PRH1: variants seen among roughly 807,000 people sequenced by gnomAD.
The protein encoded by PRH1 is salivary acidic proline-rich phosphoprotein 1/2.
In PRH1, 7 loss-of-function variants were observed where a neutral mutation model predicts 7.9. The observed-to-expected ratio is 0.89, with a 90% confidence interval of 0.50 to 1.67. PRH1 has a LOEUF of 1.67. Among genes scored for constraint, PRH1 ranks in the 40% most tolerant of loss-of-function variants. The pLI, the probability that PRH1 is intolerant of heterozygous loss-of-function variation, is 0.00. For missense variants in PRH1, 109 were observed against 223.6 expected (o/e 0.49, Z 3.27); for synonymous variants, 45 against 80.8 (o/e 0.56, Z 2.38).
At chr12:11,072,449 G>A (rs1426988402) in intron 1 of PRH1, among the ~76,000 whole-genome samples, 5 of 152,224 alleles carry the variant, frequency 3.3e-5, no homozygotes, top group Admixed American at 6.5e-5. Context: ...CTGACCTGCA[G>A]AGTAAGGGAC....
intron 1 of PRH1, among the ~76,000 whole-genome samples, chr12:11,136,733 A>G (rs1946566502): frequency 1.3e-5 from 2 of 152,148 alleles, no homozygotes; most frequent in South Asian, 2.1e-4. Context: ...AATATTTTCA[A>G]TAAGTCTCTT....
At chr12:11,037,840 G>T (rs1942504189) in intron 1 of PRH1, among the ~76,000 whole-genome samples, 1 of 152,208 alleles carries the variant, frequency 6.6e-6, no homozygotes, top group African/African-American at 2.4e-5. Flanking sequence ...AAGAGTTCAA[G>T]CCCAGCCTGG....
intron 2 of PRH1, among the ~76,000 whole-genome samples, chr12:10,902,663 G>GTA (rs1949739468): frequency 6.6e-6 from 1 of 152,144 alleles, no homozygotes; most frequent in Non-Finnish European, 1.5e-5. Context: ...ATAAGGCCAA[G>GTA]TATATAGCTC....
chr12:11,121,015 A>G (rs550259611), exon 2 of PRH1: 3 of 154,430 alleles, frequency 1.9e-5, no homozygotes, highest in South Asian at 2.1e-4. Flanking sequence ...CATACCTCAT[A>G]TGAACAGATG....
chr12:11,125,241 T>C (rs1048684919), intron 1 of PRH1, among the ~76,000 whole-genome samples: 2 of 152,308 alleles, frequency 1.3e-5, no homozygotes, highest in African/African-American at 4.8e-5. Flanking sequence ...AATGATTTAC[T>C]TGCTATTTTT....
At chr12:10,894,714 T>C (rs542814219) in intron 2 of PRH1, among the ~76,000 whole-genome samples, 1 of 152,280 alleles carries the variant, frequency 6.6e-6, no homozygotes, top group South Asian at 2.1e-4. Flanking sequence ...GAAAAATGCA[T>C]TTTCAATATA....
intron 1 of PRH1, chr12:11,030,251 T>G: frequency 1.1e-6 from 1 of 880,594 alleles, no homozygotes; most frequent in Non-Finnish European, 1.5e-6. Context: ...ATATTTTTTT[T>G]TCTAGACTAA....
intron 1 of PRH1, among the ~76,000 whole-genome samples, chr12:11,105,844 C>G (rs1313860419): frequency 6.6e-6 from 1 of 152,052 alleles, no homozygotes; most frequent in African/African-American, 2.4e-5. Context: ...CAAACTTTTC[C>G]TACCAAAAGG....
intron 2 of PRH1, chr12:10,938,586 G>T (rs949339214): frequency 9.3e-6 from 15 of 1,613,964 alleles, no homozygotes; most frequent in Non-Finnish European, 1.2e-5. Context: ...TTCTTGCGAT[G>T]TTTCCACATG....
At chr12:10,903,335 C>G (rs1162051061) in intron 2 of PRH1, among the ~76,000 whole-genome samples, 1 of 152,068 alleles carries the variant, frequency 6.6e-6, no homozygotes, top group Non-Finnish European at 1.5e-5. Context: ...ATGCACTCAG[C>G]ATTGGAGCAC....
chr12:11,135,216 C>G (rs547047534), intron 1 of PRH1, among the ~76,000 whole-genome samples: 2 of 152,112 alleles, frequency 1.3e-5, no homozygotes, highest in Non-Finnish European at 2.9e-5. Flanking sequence ...TCCCATCACA[C>G]GAAGACTGAC....
At chr12:10,963,636 C>T (rs1346656431) in intron 2 of PRH1, among the ~76,000 whole-genome samples, 2 of 152,178 alleles carry the variant, frequency 1.3e-5, no homozygotes, top group East Asian at 3.8e-4. Context: ...AATGACTTTT[C>T]TACCTGTATA....
In PRH1 at chr12:11,092,666, G is replaced by A. The variant is rs577923470; in HGVS notation, n.124-45478C>T. 1.6e-4 allele frequency among the ~76,000 whole-genome samples: 18 copies of A among 109,356 alleles called. 5 individuals carry two copies. Among genetic ancestry groups the A allele is most frequent in the South Asian group, 1.5e-3 (6 of 4,022 alleles). 71.7% of individuals were successfully genotyped at this position (109,356 alleles called of 152,430 possible). The stretch of plus-strand genomic sequence containing the variant: ...GCTGATTGCTGTGGTTTTACAGTGC[G>A]CTGATTGGTGCATTTTACAATCCCC... On this transcript the variant is annotated intron_variant and non_coding_transcript_variant, in intron 1 of 4. Coordinates refer to the PRH1 transcript ENST00000541977.
At chr12:10,971,265 G>A (rs1938802368) in intron 2 of PRH1, among the ~76,000 whole-genome samples, 1 of 152,152 alleles carries the variant, frequency 6.6e-6, no homozygotes, top group South Asian at 2.1e-4. Flanking sequence ...TGTCACCAAT[G>A]TAATAAATTG....
intron 1 of PRH1, among the ~76,000 whole-genome samples, chr12:10,991,183 TAAA>T (rs1025428818): frequency 6.6e-6 from 1 of 152,132 alleles, no homozygotes; most frequent in African/African-American, 2.4e-5. Flanking sequence ...AACAGAATGA[TAAA>T]AACATGAGTG....
At chr12:11,071,215 T>G (rs1944052488) in intron 1 of PRH1, among the ~76,000 whole-genome samples, 1 of 151,328 alleles carries the variant, frequency 6.6e-6, no homozygotes. Flanking sequence ...ACCAGGAAAT[T>G]CCAGGCTCTG....
intron 2 of PRH1, among the ~76,000 whole-genome samples, chr12:10,971,973 C>G (rs748315544): frequency 6.6e-6 from 1 of 151,998 alleles, no homozygotes; most frequent in Non-Finnish European, 1.5e-5. Flanking sequence ...GTTTCAAATT[C>G]TCATTTGATA....
chr12:11,026,171 A>G (rs1941902815), intron 1 of PRH1, among the ~76,000 whole-genome samples: 1 of 152,120 alleles, frequency 6.6e-6, no homozygotes, highest in Admixed American at 6.6e-5. Context: ...AAGTATTTGG[A>G]ACTATAGGCA....
chr12:11,134,897 C>T (rs1466831847), intron 1 of PRH1, among the ~76,000 whole-genome samples: 1 of 152,074 alleles, frequency 6.6e-6, no homozygotes, highest in African/African-American at 2.4e-5. Context: ...TTCACAAGCT[C>T]ATAAATACAC....
Sources: gnomAD v4.1 joint callset for allele counts (sites outside exome capture counted in the v4.1 genomes callset) on GRCh38, gnomAD v4.1.1 for gene constraint, MANE v1.5 for transcripts, NCBI Gene and HGNC (gene_info 2026-07-23, HGNC 2026-07-21) for gene names.